The following TMEM232 variants were observed in gnomAD, a reference collection of about 807,000 sequenced individuals.
The protein encoded by TMEM232 is transmembrane protein 232.
In TMEM232, 80 loss-of-function variants were observed where a neutral mutation model predicts 78.8. That is an observed-to-expected ratio of 1.01 (90% CI 0.85 to 1.22). The LOEUF (loss-of-function observed/expected upper bound fraction) is 1.22. Among genes scored for constraint, TMEM232 ranks in the 50% most tolerant of loss-of-function variants. The pLI is 0.00. For synonymous variants in TMEM232, 297 were observed against 254.3 expected (o/e 1.17, Z -1.60); for missense variants, 881 against 742.2 (o/e 1.19, Z -2.17).
At chr5:110,702,032 G>A (rs953742396) in intron 1 of TMEM232, among the ~76,000 whole-genome samples, 3 of 151,890 alleles carry the variant, frequency 2.0e-5, no homozygotes, top group African/African-American at 7.3e-5. Context: ...AGCTAAGGGG[G>A]GTTTTAGGTT....
At chr5:110,494,100 C>T (rs766286578) in intron 12 of TMEM232, among the ~76,000 whole-genome samples, 1 of 151,938 alleles carries the variant, frequency 6.6e-6, no homozygotes, top group Non-Finnish European at 1.5e-5. Flanking sequence ...ATGAACTCAC[C>T]CTTTTTATGG....
At chr5:110,738,713 G>A (rs1799484280), upstream of TMEM232, 3 of 240,102 alleles carry the variant, frequency 1.2e-5, no homozygotes, top group Non-Finnish European at 2.4e-5. Flanking sequence ...TTTCTGGCCG[G>A]GATCTCACCG....
chr5:110,434,553 C>A (rs1191538400), intron 12 of TMEM232, among the ~76,000 whole-genome samples: 1 of 151,936 alleles, frequency 6.6e-6, no homozygotes, highest in South Asian at 2.1e-4. Flanking sequence ...GGTACAAATG[C>A]CACTGAAACT....
At chr5:110,723,475 G>A (rs954097247) in intron 1 of TMEM232, among the ~76,000 whole-genome samples, 3 of 152,026 alleles carry the variant, frequency 2.0e-5, no homozygotes, top group Non-Finnish European at 2.9e-5. Context: ...TTATATTTGG[G>A]GGCCTACTGA....
chr5:110,495,828 A>G (rs1056282762), intron 12 of TMEM232, among the ~76,000 whole-genome samples: 1 of 151,634 alleles, frequency 6.6e-6, no homozygotes, highest in African/African-American at 2.4e-5. Context: ...GTTTTTTTTT[A>G]ATAATGATAA....
intron 12 of TMEM232, among the ~76,000 whole-genome samples, chr5:110,430,560 TACAG>T (rs557293655): frequency 2.0e-5 from 3 of 151,866 alleles, no homozygotes; most frequent in Non-Finnish European, 4.4e-5. Flanking sequence ...AACTTAACAA[TACAG>T]ACAAATAAAT....
At chr5:110,481,701 G>A (rs1334929795) in intron 12 of TMEM232, among the ~76,000 whole-genome samples, 1 of 152,164 alleles carries the variant, frequency 6.6e-6, no homozygotes, top group African/African-American at 2.4e-5. Flanking sequence ...ACATGGGAAA[G>A]CACTTAGAGC....
chr5:110,417,487 C>A (rs182200358), downstream of TMEM232, among the ~76,000 whole-genome samples: 12 of 152,134 alleles, frequency 7.9e-5, no homozygotes, highest in East Asian at 2.1e-3. Context: ...TACAAAGAAT[C>A]CAACTGAATT....
At chr5:110,430,038 A>G (rs971021638) in intron 12 of TMEM232, 2 of 151,710 alleles carry the variant, frequency 1.3e-5, no homozygotes, top group African/African-American at 4.8e-5. Context: ...CTTTTAGAAG[A>G]GAATGATAGT....
chr5:110,533,244 A>G (rs1052491488), intron 11 of TMEM232, among the ~76,000 whole-genome samples: 1 of 152,074 alleles, frequency 6.6e-6, no homozygotes, highest in African/African-American at 2.4e-5. Flanking sequence ...GTCAAGCCCA[A>G]ATTTCATCCT....
rs537695815 is a variant in TMEM232, at chr5:110,554,825, T to A, written c.1455+13622A>T. Among the ~76,000 whole-genome samples, 56 of 152,280 alleles carry A rather than the reference T, an allele frequency of 3.7e-4. 1 individual carries two copies. In the South Asian group the frequency reaches 0.011, roughly 29 times the overall value. On this transcript the variant is annotated intron_variant, in intron 11 of 13. Transcript: ENST00000455884. Reference sequence around the variant, plus strand: ...AGTTGTCAGGTTATTTATTACTGATTCAATTTCATAACTTATTATTGGTCT... The same window carrying A: ...AGTTGTCAGGTTATTTATTACTGATACAATTTCATAACTTATTATTGGTCT...
chr5:110,639,156 C>T (rs1043772079), intron 4 of TMEM232, among the ~76,000 whole-genome samples: 2 of 152,018 alleles, frequency 1.3e-5, no homozygotes, highest in African/African-American at 4.8e-5. Flanking sequence ...AGCCAGGAGC[C>T]AGCACATGCA....
intron 12 of TMEM232, among the ~76,000 whole-genome samples, chr5:110,503,839 G>A (rs1468893560): frequency 6.6e-6 from 1 of 152,192 alleles, no homozygotes; most frequent in Non-Finnish European, 1.5e-5. Flanking sequence ...AAATGACTGT[G>A]CATAAAATGG....
In TMEM232 at chr5:110,425,786, A is replaced by G. The variant is rs1757164534; in HGVS notation, c.1704-870T>C. Among the ~76,000 whole-genome samples the G allele has an allele frequency of 2.0e-5, 3 of 152,206 alleles. No individual in the cohort carries two copies. The South Asian group carries it at 6.2e-4, about 32-fold the overall frequency. ...AAGGCTTCATGTTCAGAATTCCTGC[A>G]TCCATCATTCCTTACCCACTTTACT... On this transcript the variant is annotated intron_variant, in intron 12 of 13. Coordinates refer to ENST00000455884, the MANE Select transcript of TMEM232 (RefSeq NM_001039763.4).
chr5:110,724,554 T>C (rs1050071766), intron 1 of TMEM232, among the ~76,000 whole-genome samples: 1 of 152,230 alleles, frequency 6.6e-6, no homozygotes, highest in Non-Finnish European at 1.5e-5. Context: ...CTCAATTCCA[T>C]GCTCTCTATA....
intron 11 of TMEM232, among the ~76,000 whole-genome samples, chr5:110,540,619 G>A (rs1449785186): frequency 6.6e-6 from 1 of 152,182 alleles, no homozygotes; most frequent in Non-Finnish European, 1.5e-5. Context: ...ACAGACGGCA[G>A]TAGTTTCATG....
At chr5:110,705,739 T>TAC (rs397740344) in intron 1 of TMEM232, among the ~76,000 whole-genome samples, 29 of 132,682 alleles carry the variant, frequency 2.2e-4, no homozygotes, top group Non-Finnish European at 3.8e-4. Context: ...CACACACATA[T>TAC]GTGTGTGTGT....
At chr5:110,636,511 A>G (rs574993763) in intron 5 of TMEM232, among the ~76,000 whole-genome samples, 1 of 152,166 alleles carries the variant, frequency 6.6e-6, no homozygotes, top group African/African-American at 2.4e-5. Flanking sequence ...ACAAACACTA[A>G]CATGTACTTC....
chr5:110,670,112 G>C (rs1229014364), intron 1 of TMEM232, among the ~76,000 whole-genome samples: 8 of 152,196 alleles, frequency 5.3e-5, no homozygotes, highest in Non-Finnish European at 1.0e-4. Flanking sequence ...ATTCAATATA[G>C]TGTTGGAAGT....
Sources: gnomAD v4.1 joint callset for allele counts (sites outside exome capture counted in the v4.1 genomes callset) on GRCh38, gnomAD v4.1.1 for gene constraint, MANE v1.5 for transcripts, NCBI Gene and HGNC (gene_info 2026-07-23, HGNC 2026-07-21) for gene names.